Variants in ST7 observed in about 807,000 individuals in gnomAD.
The protein encoded by ST7 is suppression of tumorigenicity 7, also known as suppressor of tumorigenicity 7 protein.
In ST7, 28 loss-of-function variants were observed where a neutral mutation model predicts 78.7. The observed-to-expected ratio is 0.36, with a 90% CI of 0.26 to 0.49. The LOEUF (loss-of-function observed/expected upper bound fraction) is 0.49, where lower values mean the gene tolerates loss of function less well. Ranked by LOEUF, ST7 falls within the 20% of genes least tolerant of loss-of-function variation. The pLI, the probability that ST7 is intolerant of heterozygous loss-of-function variation, is 0.99. For missense variants in ST7, 418 were observed against 696.0 expected, an observed-to-expected ratio of 0.60 and a Z score of 4.49; for synonymous variants, 247 against 249.6, an observed-to-expected ratio of 0.99 and a Z score of 0.10.
intron 10 of ST7, among the ~76,000 whole-genome samples, chr7:117,175,342 G>A (rs1000789909): frequency 3.3e-4 from 50 of 152,322 alleles, no homozygotes; most frequent in African/African-American, 1.1e-3. Context: ...GGCCACCTAC[G>A]TGAAAACTTA....
At chr7:117,085,403 T>G (rs1800060634) in intron 1 of ST7, among the ~76,000 whole-genome samples, 1 of 152,222 alleles carries the variant, frequency 6.6e-6, no homozygotes, top group Non-Finnish European at 1.5e-5. Flanking sequence ...TTTCCAGTTT[T>G]GGGGAGACAT....
At chr7:117,073,499 C>T (rs1799124989) in intron 1 of ST7, among the ~76,000 whole-genome samples, 1 of 152,058 alleles carries the variant, frequency 6.6e-6, no homozygotes, top group Admixed American at 6.5e-5. Context: ...ATAATAACTG[C>T]CTAAAGTGGT....
chr7:117,059,576 G>T (rs1798242392), intron 1 of ST7, among the ~76,000 whole-genome samples: 1 of 151,946 alleles, frequency 6.6e-6, no homozygotes, highest in Non-Finnish European at 1.5e-5. Context: ...TAGAGGTATA[G>T]ATCTAAACTT....
intron 9 of ST7, among the ~76,000 whole-genome samples, chr7:117,139,023 TGTA>T (rs1364130491): frequency 3.9e-5 from 6 of 152,182 alleles, no homozygotes; most frequent in Non-Finnish European, 7.4e-5. Context: ...TTAATCCTAT[TGTA>T]GTTGTTTCAA....
rs745829243 is a variant in ST7, at chr7:117,138,388, T to C, written c.866-47T>C. On this transcript the variant is annotated intron_variant, in intron 8 of 15. Coordinates refer to ENST00000323984, the MANE Select transcript of ST7 (RefSeq NM_001369598.1). ...TAGGGGCAAGGCAAATGGGCCTCTG[T>C]ATTTTTTTTTTTTTTAAATGTTGGT... 8 of 1,324,862 alleles carry C rather than the reference T, an allele frequency of 6.0e-6. No homozygotes were observed. In the South Asian group the frequency reaches 1.1e-4, roughly 18 times the overall value. 82.1% of individuals were successfully genotyped at this position (1,324,862 alleles called of 1,614,324 possible). A position where few individuals can be genotyped will look rare whatever the true frequency, so the allele number is the denominator to read the frequency against.
At chr7:116,989,213 T>C (rs908033683) in intron 1 of ST7, among the ~76,000 whole-genome samples, 23 of 152,230 alleles carry the variant, frequency 1.5e-4, no homozygotes, top group Admixed American at 1.0e-3. Context: ...TGAAATGCAG[T>C]GTGTACTTTA....
intron 2 of ST7, among the ~76,000 whole-genome samples, chr7:117,101,161 T>C (rs1801541941): frequency 6.6e-6 from 1 of 152,156 alleles, no homozygotes; most frequent in South Asian, 2.1e-4. Flanking sequence ...AACATCCAGG[T>C]TCATCTTGCT....
Position 117,189,413 on chromosome 7 carries a change from C to A in ST7, c.1151+20C>A. Reference sequence around the variant, plus strand: ...TGACAAGTAAGTGAATAATAGTTTGCGCGGTACTAATGCCTGACCGGAATT... The same window carrying A: ...TGACAAGTAAGTGAATAATAGTTTGAGCGGTACTAATGCCTGACCGGAATT... On this transcript the variant is annotated intron_variant, in intron 11 of 15. Transcript: ENST00000323984. The A allele has an allele frequency of 6.3e-7, 1 of 1,574,826 alleles. No individual in the cohort carries two copies. The highest frequency in any genetic ancestry group is 8.6e-7 in the Non-Finnish European group (1 of 1,156,538).
At chr7:117,048,284 T>G (rs192518189) in intron 1 of ST7, among the ~76,000 whole-genome samples, 1 of 152,242 alleles carries the variant, frequency 6.6e-6, no homozygotes, top group East Asian at 1.9e-4. Flanking sequence ...CATCATAATT[T>G]CTGTCTGAAT....
chr7:117,226,477 G>A (rs577212511), intron 15 of ST7, among the ~76,000 whole-genome samples: 3 of 152,194 alleles, frequency 2.0e-5, no homozygotes, highest in African/African-American at 7.2e-5. Flanking sequence ...TTCCCCCTAA[G>A]TCAAGTGAAA....
At chr7:116,979,174 C>T (rs1021842989) in intron 1 of ST7, among the ~76,000 whole-genome samples, 1 of 152,162 alleles carries the variant, frequency 6.6e-6, no homozygotes, top group Non-Finnish European at 1.5e-5. Context: ...CTATTAATCC[C>T]CTGTTGGGGT....
chr7:117,037,166 A>G (rs910823089), intron 1 of ST7, among the ~76,000 whole-genome samples: 1 of 152,138 alleles, frequency 6.6e-6, no homozygotes, highest in African/African-American at 2.4e-5. Flanking sequence ...GGTATTTTAT[A>G]CTGGTGATTA....
At chr7:117,156,285 A>C (rs1251567502) in intron 9 of ST7, among the ~76,000 whole-genome samples, 2 of 152,184 alleles carry the variant, frequency 1.3e-5, no homozygotes, top group Non-Finnish European at 2.9e-5. Context: ...AATCGAATAG[A>C]TTGGCTGTGG....
intron 1 of ST7, among the ~76,000 whole-genome samples, chr7:117,096,297 T>C (rs1475671919): frequency 6.6e-6 from 1 of 152,114 alleles, no homozygotes; most frequent in Non-Finnish European, 1.5e-5. Context: ...TAGAAGAATT[T>C]TTAAACTAGA....
chr7:117,025,570 C>T (rs962794882), intron 1 of ST7, among the ~76,000 whole-genome samples: 13 of 152,212 alleles, frequency 8.5e-5, no homozygotes, highest in African/African-American at 3.1e-4. Context: ...GCACTTAGAG[C>T]ATTGAATGTA....
At chr7:117,161,392 T>C (rs2117214143) in intron 9 of ST7, among the ~76,000 whole-genome samples, 1 of 152,068 alleles carries the variant, frequency 6.6e-6, no homozygotes, top group Middle Eastern at 3.4e-3. Context: ...TAGTAACAAA[T>C]TAATTAGTTA....
intron 2 of ST7, among the ~76,000 whole-genome samples, chr7:117,109,945 A>G (rs1157278669): frequency 6.6e-6 from 1 of 152,376 alleles, no homozygotes; most frequent in African/African-American, 2.4e-5. Context: ...TGAAAATCAC[A>G]TGATCATTTC....
intron 2 of ST7, among the ~76,000 whole-genome samples, chr7:117,105,411 G>T (rs2116842377): frequency 6.6e-6 from 1 of 152,272 alleles, no homozygotes; most frequent in South Asian, 2.1e-4. Flanking sequence ...CTCCCAAGTA[G>T]CTGGGACCAC....
intron 9 of ST7, among the ~76,000 whole-genome samples, chr7:117,159,857 C>T (rs1043596955): frequency 9.9e-5 from 15 of 151,944 alleles, no homozygotes; most frequent in African/African-American, 3.4e-4. Context: ...CATGCCACTG[C>T]ACTCCAGCCT....
Sources: allele counts gnomAD v4.1 joint callset (sites outside exome capture counted in the v4.1 genomes callset), GRCh38; gene constraint gnomAD v4.1.1; transcripts MANE v1.5; gene names NCBI Gene and HGNC (gene_info 2026-07-23, HGNC 2026-07-21).